MALRD1: variants seen among roughly 807,000 people sequenced by gnomAD.
The protein encoded by MALRD1 is MAM and LDL-receptor class A domain-containing protein 1.
A neutral mutation model predicts 242.1 loss-of-function variants in MALRD1; 247 were observed. The ratio of observed to expected loss-of-function variants is 1.02; its 90% confidence interval spans 0.92 to 1.13. MALRD1 has a LOEUF of 1.13. Ranked by LOEUF, MALRD1 falls within the 50% of genes most tolerant of loss-of-function variation. The pLI is 0.00. For missense variants in MALRD1, 2,989 were observed against 2,533.1 expected (o/e 1.18, Z -3.86); for synonymous variants, 995 against 866.6 (o/e 1.15, Z -2.60).
chr10:19,536,499 C>T (rs1055585759), intron 32 of MALRD1, among the ~76,000 whole-genome samples: 5 of 151,962 alleles, frequency 3.3e-5, no homozygotes, highest in South Asian at 2.1e-4. Flanking sequence ...TGGTAGGTTG[C>T]GTCATAATTT....
chr10:19,130,053 G>C (rs1485050203), intron 8 of MALRD1, among the ~76,000 whole-genome samples: 3 of 151,604 alleles, frequency 2.0e-5, no homozygotes, highest in Non-Finnish European at 4.4e-5. Flanking sequence ...AATTTTCCTG[G>C]CATTCTGGAA....
rs1186314629 is a variant in MALRD1 at position 19,327,644 on chromosome 10, G to A, written c.3658G>A (p.Val1220Met). The A allele has an allele frequency of 3.9e-6, 6 of 1,549,768 alleles. No individual in the cohort carries two copies. The Admixed American group carries it at 9.8e-5, about 25-fold the overall frequency. Residue 1220 changes from valine to methionine, a missense_variant, in exon 23 of 40, where the codon GTG becomes ATG. Coordinates refer to ENST00000454679, the MANE Select transcript of MALRD1 (RefSeq NM_001142308.3). ...QQGAQWKRAEVFLGIRSHTQI... is the reference protein window; with the variant it reads ...QQGAQWKRAEMFLGIRSHTQI... ...AGGTGCACAGTGGAAGAGAGCAGAA[G>A]TGTTTTTAGGCATTCGTTCACATAC...
At position 19,387,728 on chromosome 10, in the gene MALRD1, C is replaced by A. The variant is rs762533618; in HGVS notation, c.4642C>A (p.Gln1548Lys). 3.2e-5 allele frequency: 50 copies of A among 1,550,386 alleles called. No homozygotes were observed. Among genetic ancestry groups the A allele is most frequent in the Admixed American group, 1.2e-4 (6 of 50,954 alleles). The change falls in exon 27 of 40, where the codon CAA becomes AAA. Residue 1548 changes from glutamine to lysine, a missense_variant. By Grantham distance (53) the Gln-to-Lys change is moderately conservative (BLOSUM62 1). Transcript: ENST00000454679. ...FDWVLGVGSH[Q>K]SLRPPKDHTL... ...TTGGGTTTTAGGGGTTGGCTCTCAT[C>A]AAAGCTTAAGACCTCCCAAAGACCA...
chr10:19,469,477 G>A (rs924706542), intron 29 of MALRD1, among the ~76,000 whole-genome samples: 15 of 152,088 alleles, frequency 9.9e-5, no homozygotes, highest in African/African-American at 3.6e-4. Context: ...TCTTTTCTGA[G>A]CGATGTGTGT....
chr10:19,530,437 T>C (rs57401866), intron 31 of MALRD1, among the ~76,000 whole-genome samples: 1 of 39,510 alleles, frequency 2.5e-5, no homozygotes, highest in Admixed American at 4.3e-4. Context: ...ATAATATATA[T>C]AATATATAAT....
chr10:19,535,501 A>G lies in MALRD1; in HGVS notation c.5478+4150A>G, dbSNP rs183298898. 4.0e-3 allele frequency among the ~76,000 whole-genome samples: 604 copies of G among 150,020 alleles called. 5 individuals carry two copies. Among genetic ancestry groups the G allele is most frequent in the African/African-American group, 0.014 (575 of 41,028 alleles). ...TGTATATGCATATACATATACACAT[A>G]TATATACACATATATACATGTGTAT... On this transcript the variant is annotated intron_variant, in intron 32 of 39. Transcript: ENST00000454679.
At chr10:19,124,394 C>A in intron 6 of MALRD1, 130 bp from the exon 7 acceptor site, 2 of 842,528 alleles carry the variant, frequency 2.4e-6, no homozygotes, top group Non-Finnish European at 3.2e-6. Context: ...TCCAAACTTG[C>A]AGATATAAAT....
intron 18 of MALRD1, among the ~76,000 whole-genome samples, chr10:19,247,267 A>G (rs1255089884): frequency 1.3e-5 from 2 of 152,120 alleles, no homozygotes; most frequent in Non-Finnish European, 2.9e-5. Flanking sequence ...TTAAGAAATT[A>G]ATGACCCTCA....
At chr10:19,440,804 A>G (rs549717322) in intron 28 of MALRD1, among the ~76,000 whole-genome samples, 17 of 152,310 alleles carry the variant, frequency 1.1e-4, no homozygotes, top group African/African-American at 4.1e-4. Context: ...CAATAAACAT[A>G]CGTGTGCATG....
chr10:19,602,953 T>C (rs112078552), intron 34 of MALRD1, among the ~76,000 whole-genome samples: 5,865 of 152,306 alleles, frequency 0.039, 162 homozygotes, highest in Non-Finnish European at 0.059. Flanking sequence ...CCAGTGATGA[T>C]GAGCATTTTT....
intron 14 of MALRD1, among the ~76,000 whole-genome samples, chr10:19,201,436 A>T (rs1249020696): frequency 6.6e-6 from 1 of 152,198 alleles, no homozygotes; most frequent in African/African-American, 2.4e-5. Flanking sequence ...TTTCTATAGC[A>T]ATATCTCCCT....
At position 19,511,905 on chromosome 10, in the gene MALRD1, TTTTGGGGAA is replaced by T. The variant is rs199942833; in HGVS notation, c.5320+13260_5320+13268del. Among the ~76,000 whole-genome samples the T allele has an allele frequency of 2.4e-3, 364 of 152,146 alleles. 7 individuals carry two copies. In the East Asian group the frequency reaches 0.05, roughly 21 times the overall value. ...GAGAGGGGAGAAGTTTTGATCCTTG[TTTTGGGGAA>T]AGTTGGCCACATCTAGGATGTCATC... On this transcript the variant is annotated intron_variant, in intron 31 of 39. Transcript: ENST00000454679.
rs79682207 is a variant in MALRD1 at position 19,257,244 on chromosome 10, G to A, written c.2992-440G>A. On this transcript the variant is annotated intron_variant, in intron 18 of 39. Transcript: ENST00000454679. ...AAAGCCCTTAAAACTGTATATCCTA[G>A]CAAGTAACTCTGGTAGAAAATCTAG... Among the ~76,000 whole-genome samples, 1,254 of 152,108 alleles carry A rather than the reference G, an allele frequency of 8.2e-3. 19 individuals are homozygous for A. The highest frequency in any genetic ancestry group is 0.029 in the African/African-American group (1,185 of 41,510).
intron 33 of MALRD1, among the ~76,000 whole-genome samples, chr10:19,589,647 C>T (rs1019703616): frequency 6.6e-6 from 1 of 152,090 alleles, no homozygotes; most frequent in Non-Finnish European, 1.5e-5. Flanking sequence ...AAACAAACAA[C>T]CCTAAGATAT....
chr10:19,125,198 A>T (rs1360107377), intron 7 of MALRD1, among the ~76,000 whole-genome samples: 1 of 151,908 alleles, frequency 6.6e-6, no homozygotes, highest in Non-Finnish European at 1.5e-5. Flanking sequence ...CACCCACCTT[A>T]GCCTCCTGAA....
At position 19,679,899 on chromosome 10, in the gene MALRD1, A is replaced by G. The variant is rs193240713; in HGVS notation, c.6138-12383A>G. 1.2e-3 allele frequency among the ~76,000 whole-genome samples: 185 copies of G among 152,086 alleles called. 1 individual carries two copies. Among genetic ancestry groups the G allele is most frequent in the African/African-American group, 4.2e-3 (176 of 41,496 alleles). Reference sequence around the variant, plus strand: ...ATAACTTCATTTCTACCTTAATTTAATTATTTACCCAGGAATCATTCAGAA... The same window carrying G: ...ATAACTTCATTTCTACCTTAATTTAGTTATTTACCCAGGAATCATTCAGAA... On this transcript the variant is annotated intron_variant, in intron 36 of 39. Transcript: ENST00000454679.
intron 38 of MALRD1, chr10:19,724,796 A>T (rs1015528168): frequency 6.6e-6 from 1 of 152,248 alleles, no homozygotes; most frequent in Non-Finnish European, 1.5e-5. Flanking sequence ...TTCAGTATTC[A>T]TAAATGGCAT....
intron 36 of MALRD1, among the ~76,000 whole-genome samples, chr10:19,622,381 C>T (rs892043987): frequency 2.0e-5 from 3 of 151,268 alleles, no homozygotes; most frequent in Admixed American, 1.3e-4. Context: ...ACATTGACAA[C>T]AAAAAGAGAA....
intron 31 of MALRD1, among the ~76,000 whole-genome samples, chr10:19,508,804 C>T (rs1431940015): frequency 1.3e-5 from 2 of 152,128 alleles, no homozygotes; most frequent in East Asian, 3.9e-4. Context: ...TTTAATTGGA[C>T]AACCCTGTTT....
Sources: gnomAD v4.1 joint callset for allele counts (sites outside exome capture counted in the v4.1 genomes callset) on GRCh38, gnomAD v4.1.1 for gene constraint, MANE v1.5 for transcripts, NCBI Gene and HGNC (gene_info 2026-07-23, HGNC 2026-07-21) for gene names.